Variants in ZNF451 observed in about 807,000 individuals in gnomAD.
ZNF451 encodes E3 SUMO-protein ligase ZNF451.
A neutral mutation model predicts 107.1 loss-of-function variants in ZNF451; 80 were observed. The observed-to-expected ratio is 0.75, with a 90% CI of 0.62 to 0.90. The LOEUF (loss-of-function observed/expected upper bound fraction) is 0.90. Ranked by LOEUF, ZNF451 falls within the 40% of genes least tolerant of loss-of-function variation. The pLI is 0.00. For synonymous variants in ZNF451, 362 were observed against 406.5 expected, an observed-to-expected ratio of 0.89 and a Z score of 1.32; for missense variants, 1,107 against 1,236.2, an observed-to-expected ratio of 0.90 and a Z score of 1.57.
rs1304513121 is a variant in ZNF451 at position 57,147,937 on chromosome 6, C to T, written c.1852C>T (p.Gln618Ter). ...CRICEDMFDSQEYVKQHCMSL... is the reference protein window; with the variant it reads ...CRICEDMFDS ...GATTTGTGAAGATATGTTTGATTCC[C>T]AGGAATATGTAAAACAGCACTGCAT... Residue 618 changes from glutamine (Q) to a stop codon, truncating the protein, a stop_gained, in exon 10 of 15, where the codon CAG becomes TAG. Coordinates refer to ENST00000370706, the MANE Select transcript of ZNF451 (RefSeq NM_001031623.3). LOFTEE classifies it high-confidence loss of function. 6.8e-6 allele frequency: 11 copies of T among 1,614,064 alleles called. No homozygotes were observed. Among genetic ancestry groups the T allele is most frequent in the Non-Finnish European group, 9.3e-6 (11 of 1,179,980 alleles).
intron 3 of ZNF451, 122 bp from the exon 4 acceptor site, chr6:57,124,612 C>T: frequency 2.6e-6 from 2 of 768,848 alleles, no homozygotes; most frequent in Admixed American, 4.9e-5. Context: ...CTACAATACA[C>T]AAAATAGGTT....
chr6:57,094,952 A>G (rs1829217403), intron 2 of ZNF451, among the ~76,000 whole-genome samples: 1 of 152,188 alleles, frequency 6.6e-6, no homozygotes, highest in South Asian at 2.1e-4. Flanking sequence ...CTTGTAAAGT[A>G]ATTTGGGGGA....
intron 2 of ZNF451, among the ~76,000 whole-genome samples, chr6:57,093,878 G>A (rs1374038587): frequency 6.6e-6 from 1 of 152,200 alleles, no homozygotes; most frequent in Non-Finnish European, 1.5e-5. Context: ...GATTAAATTT[G>A]AACTATAAAA....
rs112751702 is a variant in ZNF451 at position 57,148,758 on chromosome 6, C to T, written c.2608+65C>T. 39 of 1,443,370 alleles carry T rather than the reference C, an allele frequency of 2.7e-5. No individual in the cohort carries two copies. The South Asian group carries it at 3.7e-4, about 14-fold the overall frequency. The allele number at this position is 1,443,370 out of a possible 1,614,324, so 89.4% of individuals were successfully genotyped here. A position where few individuals can be genotyped will look rare whatever the true frequency, so the allele number is the denominator to read the frequency against. ...ATTGAAACTTACAATGTACCCACCT[C>T]GATTCAATTTTGAAGCAAGAAACAG... On this transcript the variant is annotated intron_variant, in intron 10 of 14. Coordinates refer to ENST00000370706, the MANE Select transcript of ZNF451 (RefSeq NM_001031623.3).
At chr6:57,094,817 T>C (rs1436012869) in intron 2 of ZNF451, among the ~76,000 whole-genome samples, 1 of 152,196 alleles carries the variant, frequency 6.6e-6, no homozygotes, top group Non-Finnish European at 1.5e-5. Flanking sequence ...AAAAATAGTA[T>C]TTATGTTTTG....
intron 3 of ZNF451, among the ~76,000 whole-genome samples, chr6:57,117,881 T>G (rs1239027429): frequency 1.3e-5 from 2 of 152,200 alleles, no homozygotes; most frequent in Non-Finnish European, 2.9e-5. Flanking sequence ...GAAACATCAA[T>G]TCAAGGATAG....
chr6:57,121,629 C>T (rs961019925), intron 3 of ZNF451, among the ~76,000 whole-genome samples: 1 of 152,062 alleles, frequency 6.6e-6, no homozygotes, highest in Admixed American at 6.6e-5. Context: ...ACCCCATTTA[C>T]AATAGCCACA....
At chr6:57,132,364 C>T (rs1183526347) in intron 5 of ZNF451, among the ~76,000 whole-genome samples, 1 of 152,110 alleles carries the variant, frequency 6.6e-6, no homozygotes, top group Non-Finnish European at 1.5e-5. Flanking sequence ...AGCTCAGACC[C>T]TCTATAATAT....
intron 9 of ZNF451, among the ~76,000 whole-genome samples, chr6:57,145,961 AGTT>A (rs1217085011): frequency 6.6e-6 from 1 of 152,088 alleles, no homozygotes; most frequent in Non-Finnish European, 1.5e-5. Context: ...TGCCAACATC[AGTT>A]GTTTTTTGAC....
intron 3 of ZNF451, chr6:57,108,236 C>G: frequency 1.0e-6 from 1 of 985,392 alleles, no homozygotes; most frequent in Non-Finnish European, 1.2e-6. Flanking sequence ...CTTTCATATG[C>G]TATCTTTGCT....
At chr6:57,166,032 CTT>C (rs771699720) in intron 14 of ZNF451, among the ~76,000 whole-genome samples, 2 of 145,664 alleles carry the variant, frequency 1.4e-5, no homozygotes, top group Non-Finnish European at 1.5e-5. Context: ...GGCTATACTA[CTT>C]TTTTTTTTTT....
At chr6:57,143,891 T>A (rs1274504479) in intron 9 of ZNF451, among the ~76,000 whole-genome samples, 2 of 152,212 alleles carry the variant, frequency 1.3e-5, no homozygotes, top group Non-Finnish European at 2.9e-5. Flanking sequence ...AAATCCTGAT[T>A]ACATGTTACA....
intron 7 of ZNF451, among the ~76,000 whole-genome samples, chr6:57,141,007 T>C (rs1831728941): frequency 6.6e-6 from 1 of 152,174 alleles, no homozygotes; most frequent in Non-Finnish European, 1.5e-5. Context: ...ATATATTACA[T>C]GTGAATGTGT....
chr6:57,160,425 C>A (rs1202037109), intron 13 of ZNF451, among the ~76,000 whole-genome samples: 2 of 152,034 alleles, frequency 1.3e-5, no homozygotes, highest in Non-Finnish European at 1.5e-5. Flanking sequence ...CCTCCACCTC[C>A]CAGGTTCAAG....
At chr6:57,150,932 T>A (rs1160576249) in intron 11 of ZNF451, 70 bp downstream of exon 11, 26 of 1,549,988 alleles carry the variant, frequency 1.7e-5, no homozygotes, top group Non-Finnish European at 2.2e-5. Context: ...TTTAAAAGGC[T>A]CCTCTTAAAC....
intron 3 of ZNF451, among the ~76,000 whole-genome samples, chr6:57,113,348 C>T (rs180838853): frequency 2.0e-5 from 3 of 151,084 alleles, no homozygotes; most frequent in Admixed American, 1.3e-4. Context: ...AGTAGTCCGT[C>T]GTGTATATGT....
chr6:57,140,842 A>G (rs921738930), intron 7 of ZNF451, among the ~76,000 whole-genome samples: 1 of 152,220 alleles, frequency 6.6e-6, no homozygotes, highest in Non-Finnish European at 1.5e-5. Context: ...CTATAAAATA[A>G]TATTTGATAA....
At chr6:57,156,167 T>TA (rs2075801283) in intron 13 of ZNF451, among the ~76,000 whole-genome samples, 1 of 152,192 alleles carries the variant, frequency 6.6e-6, no homozygotes, top group Non-Finnish European at 1.5e-5. Flanking sequence ...ATGTGATTCC[T>TA]AGCCACTACA....
Position 57,163,436 on chromosome 6 carries a change from C to CTTTTTTTTTTTTTTTTTTTTTT in ZNF451, c.3139+2295_3139+2316dup, listed in dbSNP as rs398001706. Among the ~76,000 whole-genome samples the CTTTTTTTTTTTTTTTTTTTTTT allele has an allele frequency of 1.0e-3, 31 of 30,340 alleles. 13 individuals carry two copies. The highest frequency in any genetic ancestry group is 1.6e-3 in the Non-Finnish European group (27 of 16,452). The allele number at this position is 30,340 out of a possible 152,430, so 19.9% of individuals were successfully genotyped here. On this transcript the variant is annotated intron_variant, in intron 14 of 14. Coordinates refer to ENST00000370706, the MANE Select transcript of ZNF451 (RefSeq NM_001031623.3). ...AATGGTTGCTTGTTAAATGAATAAA[C>CTTTTTTTTTTTTTTTTTTTTTT]TTTTTTTTTTTTTTTTTTTTTTTTT...
Sources: allele counts gnomAD v4.1 joint callset (sites outside exome capture counted in the v4.1 genomes callset), GRCh38; gene constraint gnomAD v4.1.1; transcripts MANE v1.5; gene names NCBI Gene and HGNC (gene_info 2026-07-23, HGNC 2026-07-21).